The following PDE3B variants were observed in gnomAD, a reference collection of about 807,000 sequenced individuals.
PDE3B encodes cGMP-inhibited 3',5'-cyclic phosphodiesterase 3B.
Under a neutral mutation model 116.8 loss-of-function variants are expected in PDE3B, and 66 were observed. That is an observed-to-expected ratio of 0.56 (90% CI 0.46 to 0.69). The LOEUF is 0.69. PDE3B is among the 30% of genes least tolerant of loss of function. PDE3B has a pLI of 0.00. For synonymous variants in PDE3B, 595 were observed against 533.6 expected, an observed-to-expected ratio of 1.12 and a Z score of -1.59; for missense variants, 1,384 against 1,368.1, an observed-to-expected ratio of 1.01 and a Z score of -0.18.
chr11:14,825,066 G>C (rs1210871884), intron 7 of PDE3B, among the ~76,000 whole-genome samples: 2 of 151,970 alleles, frequency 1.3e-5, no homozygotes, highest in Non-Finnish European at 2.9e-5. Context: ...ATCCTTTTCA[G>C]ATAAGCAAAT....
At chr11:14,860,521 A>G (rs1201023327) in intron 13 of PDE3B, among the ~76,000 whole-genome samples, 1 of 152,146 alleles carries the variant, frequency 6.6e-6, no homozygotes, top group Non-Finnish European at 1.5e-5. Context: ...ATTATCATTT[A>G]TTTAAATAAC....
chr11:14,885,350 C>T, the PDE3B span, among the ~76,000 whole-genome samples: 1 of 152,144 alleles, frequency 6.6e-6, no homozygotes, highest in African/African-American at 2.4e-5. Flanking sequence ...CAACTCTATA[C>T]TTACTAATCA....
intron 1 of PDE3B, among the ~76,000 whole-genome samples, chr11:14,740,201 G>A (rs1286648691): frequency 6.6e-6 from 1 of 152,180 alleles, no homozygotes; most frequent in East Asian, 1.9e-4. Context: ...TGTATCTCTG[G>A]TAGAATTGGG....
At chr11:14,713,020 A>T (rs1855755181) in intron 1 of PDE3B, among the ~76,000 whole-genome samples, 1 of 152,230 alleles carries the variant, frequency 6.6e-6, no homozygotes, top group African/African-American at 2.4e-5. Context: ...AGGCACATAG[A>T]CATTTATGTA....
Position 14,644,869 on chromosome 11 carries a change from A to C in PDE3B, c.794A>C (p.His265Pro), listed in dbSNP as rs778996243. 1.1e-5 allele frequency: 17 copies of C among 1,613,792 alleles called. No individual in the cohort carries two copies. Among genetic ancestry groups the C allele is most frequent in the Middle Eastern group, 3.3e-4 (2 of 6,062 alleles). ...TGCCTGCTGGCCCTGGGGTTGGATC[A>C]CTTCTTTCAAATCAGGGAAGCGCCT... The part of the protein sequence containing the change: ...AGCLLALGLD[H>P]FFQIREAPLH... The change falls in exon 1 of 16, where the codon CAC (histidine) becomes CCC (proline). Residue 265 changes from histidine to proline, a missense_variant. This residue lies in a region of PDE3B where 956 missense variants were observed against 806.8 expected (regional missense o/e 1.18). Transcript: ENST00000282096.
intron 1 of PDE3B, among the ~76,000 whole-genome samples, chr11:14,721,211 A>C (rs1856063496): frequency 6.6e-6 from 1 of 152,212 alleles, no homozygotes; most frequent in South Asian, 2.1e-4. Context: ...AATGCAAATC[A>C]AAACACTATG....
At chr11:14,735,780 A>G (rs1349682079) in intron 1 of PDE3B, among the ~76,000 whole-genome samples, 3 of 152,188 alleles carry the variant, frequency 2.0e-5, no homozygotes, top group African/African-American at 4.8e-5. Context: ...ATATAAAGGT[A>G]TGCTGGCTTT....
chr11:14,742,264 T>G (rs1565117719), intron 1 of PDE3B, among the ~76,000 whole-genome samples: 1 of 152,224 alleles, frequency 6.6e-6, no homozygotes, highest in Non-Finnish European at 1.5e-5. Context: ...TAGTCCCATA[T>G]TTCTTGGAGG....
At chr11:14,663,371 C>T (rs1346475856) in intron 1 of PDE3B, among the ~76,000 whole-genome samples, 1 of 152,152 alleles carries the variant, frequency 6.6e-6, no homozygotes, top group South Asian at 2.1e-4. Context: ...ATTGTAAAGA[C>T]CATCAAGGCT....
At position 14,705,455 on chromosome 11, in the gene PDE3B, C is replaced by T. The variant is rs570129947; in HGVS notation, c.978+60402C>T. Among the ~76,000 whole-genome samples, 4 of 151,824 alleles carry T rather than the reference C, an allele frequency of 2.6e-5. No individual in the cohort carries two copies. In the East Asian group the frequency reaches 7.7e-4, roughly 29 times the overall value. ...GAAATCAAAAACTAATTTATGGTGT[C>T]AGAAAGCAGATCAGTGACTTGGGGT... On this transcript the variant is annotated intron_variant, in intron 1 of 15. Coordinates refer to ENST00000282096, the MANE Select transcript of PDE3B (RefSeq NM_000922.4).
intron 2 of PDE3B, chr11:14,773,435 T>A (rs1720524708): frequency 6.6e-6 from 1 of 152,148 alleles, no homozygotes; most frequent in Admixed American, 6.5e-5. Flanking sequence ...TTCATAATGT[T>A]CTTGGCATTA....
At chr11:14,795,970 C>T (rs1031567123) in intron 4 of PDE3B, among the ~76,000 whole-genome samples, 1 of 152,096 alleles carries the variant, frequency 6.6e-6, no homozygotes, top group South Asian at 2.1e-4. Flanking sequence ...TGGTTCACTG[C>T]ACCCATCAAC....
In PDE3B at chr11:14,665,059, C is replaced by T. The variant is rs550752905; in HGVS notation, c.978+20006C>T. Among the ~76,000 whole-genome samples the T allele has an allele frequency of 2.6e-5, 4 of 152,316 alleles. No homozygotes were observed. The East Asian group carries it at 7.7e-4, about 29-fold the overall frequency. On this transcript the variant is annotated intron_variant, in intron 1 of 15. Coordinates refer to ENST00000282096, the MANE Select transcript of PDE3B (RefSeq NM_000922.4). The stretch of plus-strand genomic sequence containing the variant: ...CCGAATCCAGCAGCACATCAAAAAG[C>T]TTATCCAACATGATCAAGTGGGCTT...
At chr11:14,656,134 T>C (rs759362252) in intron 1 of PDE3B, among the ~76,000 whole-genome samples, 1 of 151,910 alleles carries the variant, frequency 6.6e-6, no homozygotes, top group Non-Finnish European at 1.5e-5. Flanking sequence ...AAAAAGGAGG[T>C]ATGAAGATGC....
intron 6 of PDE3B, 113 bp from the exon 7 acceptor site, chr11:14,819,023 G>C: frequency 1.7e-6 from 1 of 578,654 alleles, no homozygotes; most frequent in Non-Finnish European, 3.2e-6. Context: ...TGGAATTTTA[G>C]GATGCGTTGC....
At chr11:14,718,628 C>T (rs1053926012) in intron 1 of PDE3B, among the ~76,000 whole-genome samples, 6 of 149,864 alleles carry the variant, frequency 4.0e-5, no homozygotes, top group Non-Finnish European at 7.5e-5. Context: ...CACTCAAAAC[C>T]GCTCAACTAC....
the PDE3B span, among the ~76,000 whole-genome samples, chr11:14,896,606 T>C: frequency 1.8e-4 from 28 of 152,224 alleles, no homozygotes; most frequent in African/African-American, 6.5e-4. Flanking sequence ...GTGATCAGTC[T>C]TGGAGGTCAG....
At chr11:14,702,295 T>G (rs1855388525) in intron 1 of PDE3B, among the ~76,000 whole-genome samples, 1 of 151,868 alleles carries the variant, frequency 6.6e-6, no homozygotes, top group Non-Finnish European at 1.5e-5. Context: ...TTTCTGAGAT[T>G]ATTAATAAGA....
chr11:14,762,125 G>T (rs1857377795), intron 1 of PDE3B, among the ~76,000 whole-genome samples: 1 of 151,746 alleles, frequency 6.6e-6, no homozygotes, highest in South Asian at 2.1e-4. Context: ...TGGGCAACAT[G>T]GTGAGACCCT....
Sources: gnomAD v4.1 joint callset for allele counts (sites outside exome capture counted in the v4.1 genomes callset) on GRCh38, gnomAD v4.1.1 for gene constraint, gnomAD v4.1.1 regional missense constraint, MANE v1.5 for transcripts, NCBI Gene and HGNC (gene_info 2026-07-23, HGNC 2026-07-21) for gene names.